Variants in SYT6 observed in about 807,000 individuals in gnomAD.
SYT6 encodes synaptotagmin-6.
SYT6 carries 24 observed loss-of-function variants against 38.4 expected under a neutral mutation model. The ratio of observed to expected loss-of-function variants is 0.62; its 90% CI spans 0.45 to 0.88. The LOEUF is 0.88. SYT6 is among the 40% of genes least tolerant of loss of function. The pLI is 0.00. For synonymous variants in SYT6, 265 were observed against 241.9 expected (o/e 1.10, Z -0.89); for missense variants, 611 against 621.0 (o/e 0.98, Z 0.17).
intron 3 of SYT6, among the ~76,000 whole-genome samples, chr1:114,129,707 T>C (rs750562817): frequency 1.3e-4 from 20 of 151,052 alleles, no homozygotes; most frequent in Non-Finnish European, 2.4e-4. Context: ...TCTTGCTCTG[T>C]TGGCCAGTCT....
intron 3 of SYT6, among the ~76,000 whole-genome samples, chr1:114,120,535 G>T (rs2101037954): frequency 6.6e-6 from 1 of 152,268 alleles, no homozygotes; most frequent in East Asian, 1.9e-4. Context: ...CTTGTCGCAT[G>T]TCCTATGAGC....
Position 114,089,480 on chromosome 1 carries a change from T to A in SYT6, c.*2654A>T, listed in dbSNP as rs1270511919. The stretch of plus-strand genomic sequence containing the variant: ...ACTGCTAAATAAAGGAGAAGGGAAC[T>A]TTTCATGTTTTTTAAAAAAACCTAT... On this transcript the variant is annotated 3_prime_UTR_variant, in exon 8 of 8. Transcript: ENST00000610222. The A allele has an allele frequency of 6.6e-6, 1 of 152,450 alleles. No homozygotes were observed. The allele number at this position is 152,450 out of a possible 1,614,324, so 9.4% of individuals were successfully genotyped here. A position where few individuals can be genotyped will look rare whatever the true frequency, so the allele number is the denominator to read the frequency against.
chr1:114,153,729 G>C lies in SYT6; in HGVS notation c.44C>G (p.Ala15Gly). The C allele has an allele frequency of 1.5e-6, 1 of 682,254 alleles. No homozygotes were observed. Among genetic ancestry groups the C allele is most frequent in the Non-Finnish European group, 2.7e-6 (1 of 375,216 alleles). The allele number at this position is 682,254 out of a possible 1,614,324, so 42.3% of individuals were successfully genotyped here. The change falls in exon 1 of 8, where the codon GCG (alanine) becomes GGG (glycine). Residue 15 changes from alanine to glycine, a missense_variant. Ala to Gly is a moderately conservative substitution (Grantham distance 60, BLOSUM62 0). Coordinates refer to ENST00000610222, the MANE Select transcript of SYT6 (RefSeq NM_001253772.2). ...GCACAGCGAGGCGAGGACCGCGAGC[G>C]CCTCCTGGCACCGAGGCCCGCCGGC... ...WGAGGPRCQE[A>G]LAVLASLCRA...
rs1321483977 is a variant in SYT6 at position 114,091,249 on chromosome 1, C to T, written c.*885G>A. 6.5e-6 allele frequency: 1 copy of T among 152,730 alleles called. No individual in the cohort carries two copies. The highest frequency in any genetic ancestry group is 1.5e-5 in the Non-Finnish European group (1 of 68,032). 9.5% of individuals were successfully genotyped at this position (152,730 alleles called of 1,614,324 possible). On this transcript the variant is annotated 3_prime_UTR_variant, in exon 8 of 8. Transcript: ENST00000610222. Reference sequence around the variant, plus strand: ...AAGATTATTTCTGAGGACAAAGATCCTGTTTTCAAACAAATGTGATCATTA... The same window carrying T: ...AAGATTATTTCTGAGGACAAAGATCTTGTTTTCAAACAAATGTGATCATTA...
intron 5 of SYT6, 36 bp downstream of exon 5, chr1:114,099,058 G>A (rs749660554): frequency 3.8e-6 from 6 of 1,581,050 alleles, no homozygotes; most frequent in African/African-American, 2.7e-5. Context: ...GTGGGAGTGA[G>A]GGGTAGAATT....
chr1:114,150,493 C>T (rs1679390216), intron 1 of SYT6, among the ~76,000 whole-genome samples: 1 of 152,158 alleles, frequency 6.6e-6, no homozygotes, highest in Non-Finnish European at 1.5e-5. Context: ...AATTTCATGG[C>T]CACAAGTAAA....
At chr1:114,122,481 T>TTGTGTGTGTGTGTG (rs142500087) in intron 3 of SYT6, among the ~76,000 whole-genome samples, 1 of 148,162 alleles carries the variant, frequency 6.7e-6, no homozygotes, top group African/African-American at 2.5e-5. Context: ...GCATGTACAT[T>TTGTGTGTGTGTGTG]TGTGTGTGTG....
chr1:114,125,363 T>A (rs1677661909), intron 3 of SYT6, among the ~76,000 whole-genome samples: 1 of 144,164 alleles, frequency 6.9e-6, no homozygotes, highest in South Asian at 2.2e-4. Context: ...TCTCTCTAAT[T>A]CCCTCATCCC....
intron 3 of SYT6, among the ~76,000 whole-genome samples, chr1:114,114,791 GCAACTGAAGT>G (rs1676894782): frequency 6.6e-6 from 1 of 152,224 alleles, no homozygotes; most frequent in Non-Finnish European, 1.5e-5. Context: ...ATGTCCTAAT[GCAACTGAAGT>G]CATTAAATAT....
intron 1 of SYT6, among the ~76,000 whole-genome samples, chr1:114,147,157 G>A (rs1485856376): frequency 1.3e-5 from 2 of 152,120 alleles, no homozygotes; most frequent in African/African-American, 4.8e-5. Context: ...AGCCAGGTCC[G>A]TCTGTATCTT....
intron 3 of SYT6, among the ~76,000 whole-genome samples, chr1:114,133,787 C>T (rs1426402596): frequency 1.3e-5 from 2 of 152,246 alleles, no homozygotes; most frequent in African/African-American, 2.4e-5. Context: ...CTGTGCTGCC[C>T]AGACTTCCCT....
Position 114,139,890 on chromosome 1 carries a change from G to A in SYT6, c.237C>T (p.Leu79=), listed in dbSNP as rs1372438440. 4 of 1,538,296 alleles carry A rather than the reference G, an allele frequency of 2.6e-6. No homozygotes were observed. The highest frequency in any genetic ancestry group is 3.5e-6 in the Non-Finnish European group (4 of 1,145,872). Reference sequence around the variant, plus strand: ...AGGGCATCCAGCACAGCTTCCAAAAGAGAAAGAGAAAAACTGCCACCAGGG... The same window carrying A: ...AGGGCATCCAGCACAGCTTCCAAAAAAGAAAGAGAAAAACTGCCACCAGGG... ...GVALVAVFLF[L]FWKLCWMPWR... The change falls in exon 2 of 8, where the codon CTC becomes CTT. Residue 79 remains leucine (L), a synonymous_variant. Transcript: ENST00000610222.
At chr1:114,151,218 T>C (rs529729271) in intron 1 of SYT6, among the ~76,000 whole-genome samples, 21 of 152,276 alleles carry the variant, frequency 1.4e-4, no homozygotes, top group African/African-American at 4.8e-4. Context: ...TCTCAACCAC[T>C]ATCTTTCTCT....
intron 6 of SYT6, 45 bp from the exon 7 acceptor site, chr1:114,093,848 A>C: frequency 6.3e-7 from 1 of 1,582,820 alleles, no homozygotes; most frequent in Non-Finnish European, 8.7e-7. Flanking sequence ...TGTTGAGGCC[A>C]CTGTGGCTTC....
intron 4 of SYT6, among the ~76,000 whole-genome samples, chr1:114,103,144 T>C (rs1676067196): frequency 6.6e-6 from 1 of 152,252 alleles, no homozygotes; most frequent in Non-Finnish European, 1.5e-5. Flanking sequence ...TGCACAGAAT[T>C]GCTGCCATAA....
Position 114,120,070 on chromosome 1 carries a change from CA to C in SYT6, c.1072-16350del, listed in dbSNP as rs34846994. On this transcript the variant is annotated intron_variant, in intron 3 of 7. Coordinates refer to ENST00000610222, the MANE Select transcript of SYT6 (RefSeq NM_001253772.2). ...TGGGCGACAGAGAGAGACTCTGTCTCAAAAAAAAAAAAAAAAATCTCTTTTA... is the reference window on the plus strand; with the variant it reads ...TGGGCGACAGAGAGAGACTCTGTCTCAAAAAAAAAAAAAAAATCTCTTTTA... Among the ~76,000 whole-genome samples, 873 of 121,812 alleles carry C rather than the reference CA, an allele frequency of 7.2e-3. 8 individuals are homozygous for C. Among genetic ancestry groups the C allele is most frequent in the African/African-American group, 0.017 (584 of 33,382 alleles). The allele number at this position is 121,812 out of a possible 152,430, so 79.9% of individuals were successfully genotyped here.
chr1:114,091,903 A>ACGGCTGCCG lies in SYT6; in HGVS notation c.*222_*230dup. 9.0e-7 allele frequency: 1 copy of ACGGCTGCCG among 1,117,094 alleles called. No homozygotes were observed. Among genetic ancestry groups the ACGGCTGCCG allele is most frequent in the Non-Finnish European group, 1.3e-6 (1 of 776,798 alleles). 69.2% of individuals were successfully genotyped at this position (1,117,094 alleles called of 1,614,324 possible). A position where few individuals can be genotyped will look rare whatever the true frequency, so the allele number is the denominator to read the frequency against. On this transcript the variant is annotated 3_prime_UTR_variant, in exon 8 of 8. Coordinates refer to ENST00000610222, the MANE Select transcript of SYT6 (RefSeq NM_001253772.2). ...AGCAGGTAAGACTCTGGAGTGACGGACGGCTGCCGCTGCTGCCGCCACTGC... is the reference window on the plus strand; with the variant it reads ...AGCAGGTAAGACTCTGGAGTGACGGACGGCTGCCGCGGCTGCCGCTGCTGCCGCCACTGC...
rs1036192655 is a variant in SYT6 at position 114,113,930 on chromosome 1, C to A, written c.1072-10209G>T. Among the ~76,000 whole-genome samples, 39 of 152,340 alleles carry A rather than the reference C, an allele frequency of 2.6e-4. 1 individual carries two copies. The highest frequency in any genetic ancestry group is 1.2e-3 in the South Asian group (6 of 4,828). ...CAAGATCTACAGGGCCCTCCACGAACGGGGCTGACTCTTCAGCCTCCCCCC... is the reference window on the plus strand; with the variant it reads ...CAAGATCTACAGGGCCCTCCACGAAAGGGGCTGACTCTTCAGCCTCCCCCC... On this transcript the variant is annotated intron_variant, in intron 3 of 7. Coordinates refer to ENST00000610222, the MANE Select transcript of SYT6 (RefSeq NM_001253772.2).
chr1:114,103,689 G>T lies in SYT6; in HGVS notation c.1104C>A (p.Ser368=). Residue 368 remains serine (S), a synonymous_variant, in exon 4 of 8, where the codon TCC becomes TCA. Transcript: ENST00000610222. ...TGCCTGCAGTGGGCAGGTAGCAAAG[G>T]GAGAACATGATCTCTCCCAAGTCCA... ...ESVDLGEIMF[S]LCYLPTAGRL... The T allele has an allele frequency of 6.2e-7, 1 of 1,614,076 alleles. No individual in the cohort carries two copies. Among genetic ancestry groups the T allele is most frequent in the Non-Finnish European group, 8.5e-7 (1 of 1,180,032 alleles).
Sources: allele counts gnomAD v4.1 joint callset (sites outside exome capture counted in the v4.1 genomes callset), GRCh38; gene constraint gnomAD v4.1.1; transcripts MANE v1.5; gene names NCBI Gene and HGNC (gene_info 2026-07-23, HGNC 2026-07-21).